Variants in KLHL8 observed in about 807,000 individuals in gnomAD.
KLHL8 encodes kelch like family member 8, also known as kelch-like protein 8.
In KLHL8, 38 loss-of-function variants were observed where a neutral mutation model predicts 63.5. That is an observed-to-expected ratio of 0.60 (90% CI 0.46 to 0.78). The LOEUF is 0.78. Ranked by LOEUF, KLHL8 falls within the 30% of genes least tolerant of loss-of-function variation. The pLI, the probability that KLHL8 is intolerant of heterozygous loss-of-function variation, is 0.00. For missense variants in KLHL8, 566 were observed against 752.4 expected, an observed-to-expected ratio of 0.75 and a Z score of 2.90; for synonymous variants, 224 against 254.3, an observed-to-expected ratio of 0.88 and a Z score of 1.13.
intron 1 of KLHL8, among the ~76,000 whole-genome samples, chr4:87,237,332 G>A (rs963960016): frequency 6.6e-6 from 1 of 152,134 alleles, no homozygotes; most frequent in African/African-American, 2.4e-5. Context: ...TTTGAGCTGG[G>A]TCTTAAATAA....
intron 1 of KLHL8, among the ~76,000 whole-genome samples, chr4:87,197,682 C>A (rs889045893): frequency 1.3e-5 from 2 of 152,194 alleles, no homozygotes; most frequent in Admixed American, 1.3e-4. Flanking sequence ...TAGACACCTT[C>A]TGTCAGGTCT....
intron 2 of KLHL8, among the ~76,000 whole-genome samples, chr4:87,189,064 T>C (rs1419416507): frequency 6.6e-6 from 1 of 152,238 alleles, no homozygotes; most frequent in African/African-American, 2.4e-5. Flanking sequence ...ACACTGGTGC[T>C]GGTGCATAGT....
intron 1 of KLHL8, among the ~76,000 whole-genome samples, chr4:87,229,559 G>A (rs1350790359): frequency 6.6e-6 from 1 of 151,576 alleles, no homozygotes; most frequent in Non-Finnish European, 1.5e-5. Flanking sequence ...AGCCTCCCAA[G>A]TAGCTGGGAC....
chr4:87,182,136 G>C (rs1290531590), intron 4 of KLHL8, among the ~76,000 whole-genome samples: 1 of 146,146 alleles, frequency 6.8e-6, no homozygotes, highest in Non-Finnish European at 1.5e-5. Flanking sequence ...GGCTGAGGCA[G>C]AAGAATGGCG....
At chr4:87,190,684 C>T (rs1202323039) in intron 2 of KLHL8, among the ~76,000 whole-genome samples, 1 of 151,110 alleles carries the variant, frequency 6.6e-6, no homozygotes, top group African/African-American at 2.4e-5. Flanking sequence ...TCTATTCAGG[C>T]TGCTATAACA....
chr4:87,222,222 CTT>C (rs1164712676), upstream of KLHL8, among the ~76,000 whole-genome samples: 1 of 152,220 alleles, frequency 6.6e-6, no homozygotes, highest in Non-Finnish European at 1.5e-5. Flanking sequence ...CTTGGACAGA[CTT>C]TTGTCACAAA....
Position 87,185,541 on chromosome 4 carries a change from A to G in KLHL8, c.475T>C (p.Tyr159His). 1 of 1,614,194 alleles carries G rather than the reference A, an allele frequency of 6.2e-7. No homozygotes were observed. The change falls in exon 3 of 10, where the codon TAC (tyrosine) becomes CAC (histidine). Residue 159 changes from tyrosine to histidine, a missense_variant. By Grantham distance (83) the Tyr-to-His change is moderately conservative (BLOSUM62 2). Coordinates refer to ENST00000273963, the MANE Select transcript of KLHL8 (RefSeq NM_020803.5). ...VELVARACCEYMKLHFHPSNC... is the reference protein window; with the variant it reads ...VELVARACCEHMKLHFHPSNC... ...GAGGGATGAAAATGTAACTTCATGT[A>G]TTCACAACAAGCTCTAGCCACCAGT... is the stretch of plus-strand genomic sequence containing the variant.
intron 3 of KLHL8, among the ~76,000 whole-genome samples, chr4:87,183,894 T>C (rs1311031971): frequency 6.6e-6 from 1 of 152,196 alleles, no homozygotes; most frequent in Non-Finnish European, 1.5e-5. Flanking sequence ...AAATTAATGA[T>C]CTTGGAAGGG....
rs888605395 is a variant in KLHL8, at chr4:87,230,369, C to T, written n.58-8979G>A. 5.3e-5 allele frequency among the ~76,000 whole-genome samples: 8 copies of T among 152,256 alleles called. No individual in the cohort carries two copies. In the East Asian group the frequency reaches 7.7e-4, roughly 15 times the overall value. On this transcript the variant is annotated intron_variant and non_coding_transcript_variant, in intron 1 of 1. Transcript: ENST00000506274. ...GGACTTCTGTCAATTTCATCCATAA[C>T]GTTTTCTGGCACCAATCAAGGTGGA...
intron 8 of KLHL8, among the ~76,000 whole-genome samples, chr4:87,164,703 T>C (rs1730308462): frequency 6.6e-6 from 1 of 152,184 alleles, no homozygotes; most frequent in African/African-American, 2.4e-5. Flanking sequence ...GTTCCTGAGG[T>C]TATAGAGACT....
chr4:87,238,443 C>A (rs905257041), intron 1 of KLHL8, among the ~76,000 whole-genome samples: 1 of 152,120 alleles, frequency 6.6e-6, no homozygotes, highest in African/African-American at 2.4e-5. Flanking sequence ...ATAATCCTAG[C>A]ACTTTGGTAG....
chr4:87,189,869 A>T (rs1397378594), intron 2 of KLHL8, among the ~76,000 whole-genome samples: 1 of 151,388 alleles, frequency 6.6e-6, no homozygotes, highest in African/African-American at 2.4e-5. Context: ...CTATACTGAA[A>T]ATACAAAAAA....
At chr4:87,232,841 T>C (rs1362909138) in intron 1 of KLHL8, among the ~76,000 whole-genome samples, 2 of 152,200 alleles carry the variant, frequency 1.3e-5, no homozygotes, top group Non-Finnish European at 2.9e-5. Flanking sequence ...ATCTCCTTTT[T>C]GTAAAATCCA....
At chr4:87,164,891 G>C (rs1348479394) in intron 8 of KLHL8, among the ~76,000 whole-genome samples, 1 of 152,098 alleles carries the variant, frequency 6.6e-6, no homozygotes, top group Admixed American at 6.5e-5. Context: ...GCTCACGCCT[G>C]TAATCCCAGC....
chr4:87,164,881 G>T (rs1050636259), intron 8 of KLHL8, among the ~76,000 whole-genome samples: 3 of 152,082 alleles, frequency 2.0e-5, no homozygotes, highest in Admixed American at 6.5e-5. Flanking sequence ...GGGCGCGGTG[G>T]CTCACGCCTG....
chr4:87,190,218 A>G (rs777564427), intron 2 of KLHL8, among the ~76,000 whole-genome samples: 27 of 152,124 alleles, frequency 1.8e-4, no homozygotes, highest in Admixed American at 1.1e-3. Flanking sequence ...CTCTACATGT[A>G]TATTATTCAT....
intron 8 of KLHL8, chr4:87,167,736 C>G: frequency 2.9e-6 from 1 of 340,700 alleles, no homozygotes; most frequent in Admixed American, 3.5e-5. Flanking sequence ...GAGCTATGAT[C>G]CTGAGCTGAG....
At chr4:87,213,312 A>G (rs534778259) in intron 1 of KLHL8, among the ~76,000 whole-genome samples, 25 of 152,332 alleles carry the variant, frequency 1.6e-4, no homozygotes, top group African/African-American at 5.8e-4. Context: ...CAGAGAAGTG[A>G]CAGGGTTGTA....
chr4:87,174,718 T>A (rs1335303134), intron 6 of KLHL8, among the ~76,000 whole-genome samples: 1 of 152,210 alleles, frequency 6.6e-6, no homozygotes, highest in South Asian at 2.1e-4. Flanking sequence ...ATACAAATTA[T>A]TAAGCTCAGT....
Sources: gnomAD v4.1 joint callset for allele counts (sites outside exome capture counted in the v4.1 genomes callset) on GRCh38, gnomAD v4.1.1 for gene constraint, MANE v1.5 for transcripts, NCBI Gene and HGNC (gene_info 2026-07-23, HGNC 2026-07-21) for gene names.